PTDSS1: variants seen among roughly 807,000 people sequenced by gnomAD.
PTDSS1 encodes the protein phosphatidylserine synthase 1, also known as PSS-1.
In PTDSS1, 45 loss-of-function variants were observed where a neutral mutation model predicts 70.5. The observed-to-expected ratio is 0.64, with a 90% CI of 0.50 to 0.82. The LOEUF is 0.82. Among genes scored for constraint, PTDSS1 ranks in the 40% least tolerant of loss-of-function variants. The pLI, the probability that PTDSS1 is intolerant of heterozygous loss-of-function variation, is 0.00. For synonymous variants in PTDSS1, 188 were observed against 203.8 expected (o/e 0.92, Z 0.66); for missense variants, 417 against 586.1 (o/e 0.71, Z 2.98).
chr8:96,288,691 G>C (rs1810860059), intron 4 of PTDSS1, among the ~76,000 whole-genome samples: 1 of 140,044 alleles, frequency 7.1e-6, no homozygotes, highest in African/African-American at 2.7e-5. Context: ...GCACAGTGGT[G>C]TGATCTCAGC....
intron 3 of PTDSS1, 45 bp downstream of exon 3, chr8:96,284,198 T>A (rs777148875): frequency 1.7e-5 from 26 of 1,514,670 alleles, no homozygotes; most frequent in Non-Finnish European, 2.3e-5. Flanking sequence ...ATTTTTTTAA[T>A]CTTTTTTCTG....
intron 10 of PTDSS1, among the ~76,000 whole-genome samples, chr8:96,323,778 C>T (rs1229085502): frequency 6.6e-6 from 1 of 152,226 alleles, no homozygotes; most frequent in African/African-American, 2.4e-5. Context: ...TCTTTCTTTC[C>T]ATGGTAATCT....
Position 96,286,951 on chromosome 8 carries a change from G to A in PTDSS1, c.317-71G>A, listed in dbSNP as rs546623936. On this transcript the variant is annotated intron_variant, in intron 3 of 12. Coordinates refer to ENST00000517309, the MANE Select transcript of PTDSS1 (RefSeq NM_014754.3). ...GTCTGGTTTTGGCAATGCCATTCGA[G>A]TCTAATGTGTATTGTGTGTGTCTGA... The A allele has an allele frequency of 1.2e-5, 19 of 1,577,148 alleles. No individual in the cohort carries two copies. The African/African-American group carries it at 2.3e-4, about 19-fold the overall frequency.
chr8:96,302,874 G>T (rs1169992075), intron 6 of PTDSS1, among the ~76,000 whole-genome samples: 1 of 152,114 alleles, frequency 6.6e-6, no homozygotes, highest in African/African-American at 2.4e-5. Flanking sequence ...GAGCCACCAT[G>T]CCTGGCCTCA....
intron 9 of PTDSS1, among the ~76,000 whole-genome samples, chr8:96,313,244 A>C (rs1443925445): frequency 6.6e-6 from 1 of 152,166 alleles, no homozygotes; most frequent in Admixed American, 6.5e-5. Flanking sequence ...CCATAGACTG[A>C]GCTTTTAAAC....
chr8:96,293,509 T>C (rs1810935159), intron 4 of PTDSS1, among the ~76,000 whole-genome samples: 1 of 152,246 alleles, frequency 6.6e-6, no homozygotes, highest in East Asian at 1.9e-4. Flanking sequence ...TTCCTCCTGG[T>C]TCCCAGGGTT....
intron 5 of PTDSS1, 23 bp from the exon 6 acceptor site, chr8:96,299,671 C>A (rs1811023746): frequency 6.3e-7 from 1 of 1,583,720 alleles, no homozygotes; most frequent in Non-Finnish European, 8.6e-7. Flanking sequence ...ATTTTTCCAA[C>A]CATGGGCTCT....
intron 2 of PTDSS1, among the ~76,000 whole-genome samples, chr8:96,276,622 C>T (rs1003279132): frequency 1.3e-5 from 2 of 152,180 alleles, no homozygotes; most frequent in African/African-American, 4.8e-5. Flanking sequence ...TGTGCATTTC[C>T]CTTCCGCGGT....
intron 2 of PTDSS1, 42 bp downstream of exon 2, chr8:96,273,432 C>T (rs769285968): frequency 2.7e-6 from 4 of 1,466,858 alleles, no homozygotes; most frequent in Non-Finnish European, 3.7e-6. Flanking sequence ...CTATATTGTG[C>T]CTTTCTGGTT....
Position 96,272,802 on chromosome 8 carries a change from T to C in PTDSS1, c.180-497T>C, listed in dbSNP as rs537295617. Among the ~76,000 whole-genome samples the C allele has an allele frequency of 3.3e-5, 5 of 152,336 alleles. No individual in the cohort carries two copies. In the South Asian group the frequency reaches 6.2e-4, roughly 19 times the overall value. ...TTAATGTTGTCATCATCATTCCCGA[T>C]GTCAATTATGTGATGTCAGTCTGAA... is the stretch of plus-strand genomic sequence containing the variant. On this transcript the variant is annotated intron_variant, in intron 1 of 12. Coordinates refer to ENST00000517309, the MANE Select transcript of PTDSS1 (RefSeq NM_014754.3).
chr8:96,275,187 C>G (rs988028733), intron 2 of PTDSS1, among the ~76,000 whole-genome samples: 1 of 152,130 alleles, frequency 6.6e-6, no homozygotes, highest in African/African-American at 2.4e-5. Context: ...CTGTGTTACC[C>G]AGGCTGGAGT....
chr8:96,309,852 CAA>C (rs977061477), intron 9 of PTDSS1, among the ~76,000 whole-genome samples: 2 of 151,912 alleles, frequency 1.3e-5, no homozygotes, highest in African/African-American at 2.4e-5. Flanking sequence ...AATTATAAAA[CAA>C]GAGTATAGAA....
intron 8 of PTDSS1, chr8:96,309,349 C>T (rs1223324878): frequency 4.4e-6 from 2 of 457,292 alleles, no homozygotes; most frequent in South Asian, 4.9e-5. Flanking sequence ...AAATGATGCT[C>T]CCCTGCCTCC....
At chr8:96,275,600 GT>G (rs1176846335) in intron 2 of PTDSS1, among the ~76,000 whole-genome samples, 2 of 152,286 alleles carry the variant, frequency 1.3e-5, no homozygotes, top group East Asian at 3.9e-4. Flanking sequence ...TATGGCATAA[GT>G]GGCCAGCCAA....
chr8:96,283,976 A>AG, intron 2 of PTDSS1, 133 bp from the exon 3 acceptor site: 2 of 640,544 alleles, frequency 3.1e-6, no homozygotes, highest in South Asian at 2.4e-5. Flanking sequence ...GTGTTTATGT[A>AG]GAAAAAAAAA....
At chr8:96,330,940 G>T in intron 11 of PTDSS1, 86 bp from the exon 12 acceptor site, 1 of 1,125,530 alleles carries the variant, frequency 8.9e-7, no homozygotes, top group South Asian at 1.3e-5. Flanking sequence ...GGGAGAGGCA[G>T]GGATGCAGCA....
At chr8:96,312,836 A>G (rs1367926345) in intron 9 of PTDSS1, among the ~76,000 whole-genome samples, 1 of 152,016 alleles carries the variant, frequency 6.6e-6, no homozygotes, top group African/African-American at 2.4e-5. Context: ...GAGGCCACCC[A>G]CTTCCTTCCT....
chr8:96,299,042 A>G (rs1487276226), intron 5 of PTDSS1, among the ~76,000 whole-genome samples: 2 of 136,960 alleles, frequency 1.5e-5, no homozygotes, highest in East Asian at 2.1e-4. Context: ...TCTGTCTCAG[A>G]AAAAAAAAAA....
Position 96,331,098 on chromosome 8 carries a change from AT to A in PTDSS1, c.1312+4del. On this transcript the variant is annotated splice_donor_region_variant and intron_variant, in intron 12 of 12. Transcript: ENST00000517309. ...GCATCACAGGAAAGGGACAAAAGGTATCTTGTTCTTGTTCGTTGTTTAAAAT... is the reference window on the plus strand; with the variant it reads ...GCATCACAGGAAAGGGACAAAAGGTACTTGTTCTTGTTCGTTGTTTAAAAT... 5.6e-6 allele frequency: 9 copies of A among 1,599,274 alleles called. No homozygotes were observed. Among genetic ancestry groups the A allele is most frequent in the Non-Finnish European group, 7.7e-6 (9 of 1,166,642 alleles).
Sources: allele counts gnomAD v4.1 joint callset (sites outside exome capture counted in the v4.1 genomes callset), GRCh38; gene constraint gnomAD v4.1.1; transcripts MANE v1.5; gene names NCBI Gene and HGNC (gene_info 2026-07-23, HGNC 2026-07-21).